The following XKR9 variants were observed in gnomAD, a reference collection of about 807,000 sequenced individuals.
XKR9 encodes XK-related protein 9.
A neutral mutation model predicts 32.0 loss-of-function variants in XKR9; 32 were observed. The observed-to-expected ratio is 1.00, with a 90% confidence interval of 0.76 to 1.34. XKR9 has a LOEUF of 1.34. XKR9 is among the 40% of genes most tolerant of loss of function. The pLI is 0.00. For synonymous variants in XKR9, 168 were observed against 143.4 expected (o/e 1.17, Z -1.22); for missense variants, 546 against 429.7 (o/e 1.27, Z -2.39).
At chr8:70,852,306 G>C in the XKR9 span, among the ~76,000 whole-genome samples, 1 of 152,158 alleles carries the variant, frequency 6.6e-6, no homozygotes, top group Non-Finnish European at 1.5e-5. Flanking sequence ...AGGAAGTGGA[G>C]AAAAGAATGC....
At chr8:70,669,974 C>A (rs751651035) in intron 1 of XKR9, among the ~76,000 whole-genome samples, 54 of 152,248 alleles carry the variant, frequency 3.5e-4, no homozygotes, top group Non-Finnish European at 6.5e-4. Context: ...CCAGCCTGTT[C>A]ATCTTTTATA....
chr8:70,808,876 A>G, the XKR9 span, among the ~76,000 whole-genome samples: 349 of 152,384 alleles, frequency 2.3e-3, 1 homozygote, highest in Non-Finnish European at 3.7e-3. Flanking sequence ...GGGGCAGGGC[A>G]TAGCCAAACA....
At chr8:70,723,629 G>T (rs2132222032) in intron 4 of XKR9, among the ~76,000 whole-genome samples, 1 of 152,276 alleles carries the variant, frequency 6.6e-6, no homozygotes, top group South Asian at 2.1e-4. Flanking sequence ...GTTTTCCTGG[G>T]TATCACCAGC....
the XKR9 span, among the ~76,000 whole-genome samples, chr8:71,063,560 A>G: frequency 6.6e-6 from 1 of 152,102 alleles, no homozygotes; most frequent in African/African-American, 2.4e-5. Context: ...GTGACAAAAA[A>G]AAAAAGAGAA....
the XKR9 span, among the ~76,000 whole-genome samples, chr8:70,946,914 T>C: frequency 6.6e-6 from 1 of 152,210 alleles, no homozygotes. Context: ...TAATATGGAA[T>C]GGGTCCAGAA....
the XKR9 span, among the ~76,000 whole-genome samples, chr8:70,860,653 C>T: frequency 6.6e-6 from 1 of 151,782 alleles, no homozygotes; most frequent in Non-Finnish European, 1.5e-5. Flanking sequence ...AACCTAGCCT[C>T]CCCATCCCCA....
rs924335222 is a variant in XKR9 at position 70,768,619 on chromosome 8, C to A, written n.353-20720C>A. Among the ~76,000 whole-genome samples the A allele has an allele frequency of 2.0e-5, 3 of 152,148 alleles. No homozygotes were observed. In the East Asian group the frequency reaches 5.8e-4, roughly 29 times the overall value. On this transcript the variant is annotated intron_variant and non_coding_transcript_variant, in intron 2 of 3. Transcript: ENST00000520273. The stretch of plus-strand genomic sequence containing the variant: ...TAAATCTGGGTATTCCTGTATTGGG[C>A]AAATATATAATTAGGATGGTTAGCT...
the XKR9 span, among the ~76,000 whole-genome samples, chr8:70,906,494 T>C: frequency 2.6e-5 from 4 of 152,224 alleles, no homozygotes; most frequent in African/African-American, 7.2e-5. Flanking sequence ...CTTTTGTTTA[T>C]AGAGCTAGTA....
At chr8:70,688,626 C>G (rs1819393797) in intron 3 of XKR9, among the ~76,000 whole-genome samples, 1 of 151,850 alleles carries the variant, frequency 6.6e-6, no homozygotes, top group Non-Finnish European at 1.5e-5. Flanking sequence ...CCATGTTAGC[C>G]AGGATGGTCT....
chr8:70,929,134 G>A, the XKR9 span, among the ~76,000 whole-genome samples: 2 of 152,256 alleles, frequency 1.3e-5, no homozygotes, highest in Admixed American at 6.5e-5. Flanking sequence ...CTGGGCCAAA[G>A]CTACAGGAAA....
At chr8:70,868,856 A>G in the XKR9 span, among the ~76,000 whole-genome samples, 1 of 152,290 alleles carries the variant, frequency 6.6e-6, no homozygotes, top group South Asian at 2.1e-4. Context: ...AATGCCTTTA[A>G]TAGCACCCAA....
chr8:71,006,206 G>T, the XKR9 span, among the ~76,000 whole-genome samples: 61 of 152,344 alleles, frequency 4.0e-4, no homozygotes, highest in African/African-American at 1.4e-3. Context: ...AGATATTCCA[G>T]GAATCCAAGT....
the XKR9 span, among the ~76,000 whole-genome samples, chr8:70,798,550 G>A: frequency 6.6e-6 from 1 of 152,164 alleles, no homozygotes; most frequent in African/African-American, 2.4e-5. Context: ...AAGCTCCTCA[G>A]TTTAATCAGG....
At chr8:71,017,575 C>T in the XKR9 span, among the ~76,000 whole-genome samples, 28 of 152,316 alleles carry the variant, frequency 1.8e-4, no homozygotes, top group Admixed American at 1.5e-3. Flanking sequence ...AGAATGCATT[C>T]TCAACTCTAA....
chr8:70,757,481 A>T (rs78532308), intron 2 of XKR9, among the ~76,000 whole-genome samples: 1 of 152,034 alleles, frequency 6.6e-6, no homozygotes, highest in Non-Finnish European at 1.5e-5. Flanking sequence ...TTTTAAAAAA[A>T]TTTCTATTTA....
At chr8:70,880,471 A>G in the XKR9 span, among the ~76,000 whole-genome samples, 1 of 152,200 alleles carries the variant, frequency 6.6e-6, no homozygotes. Flanking sequence ...ATTCTTATAC[A>G]CCATTAACAG....
chr8:70,879,233 CAT>C, the XKR9 span, among the ~76,000 whole-genome samples: 1 of 151,962 alleles, frequency 6.6e-6, no homozygotes, highest in Non-Finnish European at 1.5e-5. Context: ...ACCTTAATAT[CAT>C]AATTAAAAGA....
intron 3 of XKR9, among the ~76,000 whole-genome samples, chr8:70,692,350 T>C (rs1805105466): frequency 6.6e-6 from 1 of 152,134 alleles, no homozygotes. Context: ...TATAGAATCA[T>C]GTCATCTGCA....
the XKR9 span, among the ~76,000 whole-genome samples, chr8:70,884,108 A>T: frequency 7.2e-5 from 11 of 152,104 alleles, no homozygotes; most frequent in East Asian, 1.9e-4. Flanking sequence ...ATTTCATTTT[A>T]AAAAAATTTC....
Sources: gnomAD v4.1 joint callset for allele counts (sites outside exome capture counted in the v4.1 genomes callset) on GRCh38, gnomAD v4.1.1 for gene constraint, MANE v1.5 for transcripts, NCBI Gene and HGNC (gene_info 2026-07-23, HGNC 2026-07-21) for gene names.